CNTN5: variants seen among roughly 807,000 people sequenced by gnomAD.
CNTN5 encodes contactin 5, also known as contactin-5.
A neutral mutation model predicts 129.1 loss-of-function variants in CNTN5; 77 were observed. The observed-to-expected ratio is 0.60, with a 90% CI of 0.50 to 0.72. The LOEUF (loss-of-function observed/expected upper bound fraction) is 0.72, where lower values mean the gene tolerates loss of function less well. CNTN5 is among the 30% of genes least tolerant of loss of function. The pLI is 0.00. For synonymous variants in CNTN5, 509 were observed against 465.6 expected, an observed-to-expected ratio of 1.09 and a Z score of -1.20; for missense variants, 1,478 against 1,328.8, an observed-to-expected ratio of 1.11 and a Z score of -1.75.
intron 2 of CNTN5, among the ~76,000 whole-genome samples, chr11:99,444,898 A>G (rs1943998110): frequency 6.6e-6 from 1 of 151,750 alleles, no homozygotes; most frequent in African/African-American, 2.4e-5. Flanking sequence ...GAGTTAATAC[A>G]GTTTTTGTTT....
At chr11:100,002,364 A>T (rs1338303083) in intron 9 of CNTN5, among the ~76,000 whole-genome samples, 2 of 152,172 alleles carry the variant, frequency 1.3e-5, no homozygotes, top group African/African-American at 2.4e-5. Flanking sequence ...TAACATAAAA[A>T]AACTTCTTTA....
chr11:99,632,422 C>G (rs1951393687), intron 3 of CNTN5, among the ~76,000 whole-genome samples: 1 of 152,038 alleles, frequency 6.6e-6, no homozygotes, highest in African/African-American at 2.4e-5. Context: ...GGGGTTGGAA[C>G]AGTCAGCCAA....
At chr11:100,341,809 T>G (rs1952168447) in intron 23 of CNTN5, among the ~76,000 whole-genome samples, 1 of 152,120 alleles carries the variant, frequency 6.6e-6, no homozygotes, top group East Asian at 1.9e-4. Context: ...ATCTATGTAT[T>G]GAATTGGCTT....
chr11:100,335,875 T>C (rs1952028550), intron 21 of CNTN5, among the ~76,000 whole-genome samples: 1 of 152,124 alleles, frequency 6.6e-6, no homozygotes, highest in Admixed American at 6.5e-5. Context: ...TTATGTACAT[T>C]ATAATTTTAA....
intron 2 of CNTN5, among the ~76,000 whole-genome samples, chr11:99,511,022 C>T (rs1946814518): frequency 6.6e-6 from 1 of 151,946 alleles, no homozygotes; most frequent in Admixed American, 6.6e-5. Context: ...CTTTGCAGGC[C>T]TCGGCTGATG....
At chr11:99,170,400 G>C (rs887510113) in intron 1 of CNTN5, among the ~76,000 whole-genome samples, 2 of 152,096 alleles carry the variant, frequency 1.3e-5, no homozygotes, top group African/African-American at 4.8e-5. Context: ...TCTAATCTTG[G>C]CTTTGTAATT....
intron 1 of CNTN5, among the ~76,000 whole-genome samples, chr11:99,091,734 T>A (rs1866262243): frequency 6.6e-6 from 1 of 152,162 alleles, no homozygotes; most frequent in Non-Finnish European, 1.5e-5. Flanking sequence ...GGTGTCTCAT[T>A]AGCTAAAGGC....
At chr11:100,232,049 T>G (rs1454833695) in intron 16 of CNTN5, among the ~76,000 whole-genome samples, 1 of 151,796 alleles carries the variant, frequency 6.6e-6, no homozygotes, top group Non-Finnish European at 1.5e-5. Flanking sequence ...AGCTCCTCAG[T>G]AGGCTGAGGC....
intron 1 of CNTN5, among the ~76,000 whole-genome samples, chr11:99,304,333 C>T (rs1864777895): frequency 6.6e-6 from 1 of 151,860 alleles, no homozygotes; most frequent in Admixed American, 6.6e-5. Flanking sequence ...ATCCTTCCAT[C>T]AAAAAAATAT....
chr11:99,959,245 T>C (rs1038275302), intron 8 of CNTN5, among the ~76,000 whole-genome samples: 15 of 152,250 alleles, frequency 9.9e-5, no homozygotes, highest in Middle Eastern at 6.8e-3. Context: ...GCTCTCAACA[T>C]TGCCATTCAA....
chr11:99,255,494 AAATT>A (rs1022836603), intron 1 of CNTN5, among the ~76,000 whole-genome samples: 6 of 150,132 alleles, frequency 4.0e-5, no homozygotes, highest in African/African-American at 1.0e-4. Context: ...TATAATTAAT[AAATT>A]AATTAAATAA....
At chr11:99,692,889 G>C (rs1043156434) in intron 3 of CNTN5, among the ~76,000 whole-genome samples, 3 of 152,062 alleles carry the variant, frequency 2.0e-5, no homozygotes, top group African/African-American at 7.2e-5. Flanking sequence ...ACATTTGTGG[G>C]ACACTTAAGT....
chr11:99,485,536 G>A (rs1179480123), intron 2 of CNTN5, among the ~76,000 whole-genome samples: 1 of 151,934 alleles, frequency 6.6e-6, no homozygotes, highest in African/African-American at 2.4e-5. Flanking sequence ...GTGAGGACAG[G>A]GGACATAAAG....
At chr11:99,847,964 G>T (rs533769711) in intron 6 of CNTN5, among the ~76,000 whole-genome samples, 7 of 152,208 alleles carry the variant, frequency 4.6e-5, no homozygotes, top group Admixed American at 1.3e-4. Context: ...CATAACCCCA[G>T]CATTTTGGGC....
intron 1 of CNTN5, among the ~76,000 whole-genome samples, chr11:99,077,828 C>G (rs1865638147): frequency 6.6e-6 from 1 of 152,138 alleles, no homozygotes; most frequent in Admixed American, 6.6e-5. Context: ...AAGAAGGTGC[C>G]TTGCCTCCCC....
intron 9 of CNTN5, among the ~76,000 whole-genome samples, chr11:100,048,838 G>A (rs11222525): frequency 0.15 from 22,028 of 151,848 alleles, 1,651 homozygotes; most frequent in Non-Finnish European, 0.16. Flanking sequence ...GATCTCCAAC[G>A]CTCAATGAAA....
intron 3 of CNTN5, among the ~76,000 whole-genome samples, chr11:99,666,706 A>G (rs901468065): frequency 6.6e-6 from 1 of 152,176 alleles, no homozygotes; most frequent in Non-Finnish European, 1.5e-5. Flanking sequence ...GGACTGCTGC[A>G]TAAAACTAAA....
At chr11:99,025,993 G>C (rs1180752309) in intron 1 of CNTN5, among the ~76,000 whole-genome samples, 1 of 151,580 alleles carries the variant, frequency 6.6e-6, no homozygotes, top group Non-Finnish European at 1.5e-5. Context: ...TGCAATATTT[G>C]TTGAGATACT....
intron 12 of CNTN5, among the ~76,000 whole-genome samples, chr11:100,073,507 G>T (rs1310168404): frequency 3.3e-5 from 5 of 151,514 alleles, no homozygotes; most frequent in African/African-American, 1.2e-4. Context: ...CAGATACTGT[G>T]GACTTGTAGA....
Sources: allele counts gnomAD v4.1 joint callset (sites outside exome capture counted in the v4.1 genomes callset), GRCh38; gene constraint gnomAD v4.1.1; transcripts MANE v1.5; gene names NCBI Gene and HGNC (gene_info 2026-07-23, HGNC 2026-07-21).